Variants in PXDNL observed in about 807,000 individuals in gnomAD.
PXDNL encodes the protein peroxidasin like, also known as probable oxidoreductase PXDNL.
A neutral mutation model predicts 150.8 loss-of-function variants in PXDNL; 145 were observed. The observed-to-expected ratio is 0.96, with a 90% CI of 0.84 to 1.10. The LOEUF is 1.10. Ranked by LOEUF, PXDNL falls within the 50% of genes least tolerant of loss-of-function variation. The probability of loss-of-function intolerance (pLI) is 0.00; values close to 1 mark genes in which losing one functional copy is unlikely to be tolerated. For missense variants in PXDNL, 2,087 were observed against 1,873.9 expected (o/e 1.11, Z -2.10); for synonymous variants, 757 against 725.7 (o/e 1.04, Z -0.69).
intron 2 of PXDNL, among the ~76,000 whole-genome samples, chr8:51,643,107 G>C (rs1469773362): frequency 6.6e-6 from 1 of 152,068 alleles, no homozygotes; most frequent in Non-Finnish European, 1.5e-5. Context: ...TGTGAAAATG[G>C]CCATACTGCC....
At chr8:51,751,748 C>A (rs973025453) in intron 1 of PXDNL, among the ~76,000 whole-genome samples, 1 of 152,172 alleles carries the variant, frequency 6.6e-6, no homozygotes, top group Non-Finnish European at 1.5e-5. Flanking sequence ...CTGACTTCCT[C>A]ATAATTCTAC....
intron 12 of PXDNL, among the ~76,000 whole-genome samples, chr8:51,442,772 T>C (rs1293998260): frequency 6.6e-6 from 1 of 152,180 alleles, no homozygotes; most frequent in African/African-American, 2.4e-5. Flanking sequence ...ATTACATTTA[T>C]TTATTTTCAT....
rs769288055 is a variant in PXDNL, at chr8:51,372,116, G to A, written c.3693-35C>T. 6.7e-6 allele frequency: 10 copies of A among 1,502,470 alleles called. No individual in the cohort carries two copies. The Admixed American group carries it at 7.9e-5, about 12-fold the overall frequency. The allele number at this position is 1,502,470 out of a possible 1,614,324, so 93.1% of individuals were successfully genotyped here. Reference sequence around the variant, plus strand: ...AACCAAAAAAAAAACATTGTCGTGGGTCTGTGGCCTGAGAACTCAGCTGCA... The same window carrying A: ...AACCAAAAAAAAAACATTGTCGTGGATCTGTGGCCTGAGAACTCAGCTGCA... On this transcript the variant is annotated intron_variant, in intron 18 of 22. Transcript: ENST00000356297.
At chr8:51,752,310 T>C (rs2037053459) in intron 1 of PXDNL, among the ~76,000 whole-genome samples, 1 of 152,156 alleles carries the variant, frequency 6.6e-6, no homozygotes, top group Non-Finnish European at 1.5e-5. Context: ...GGGGAGTTTC[T>C]TCAGACCCCC....
chr8:51,406,682 C>G (rs1808443725), intron 17 of PXDNL, among the ~76,000 whole-genome samples: 1 of 152,212 alleles, frequency 6.6e-6, no homozygotes, highest in Non-Finnish European at 1.5e-5. Flanking sequence ...CATCTCTTAT[C>G]AGTGGCTTGC....
chr8:51,808,879 T>C (rs905692604), intron 1 of PXDNL, among the ~76,000 whole-genome samples: 1 of 152,104 alleles, frequency 6.6e-6, no homozygotes. Context: ...AGGAATAAAT[T>C]GAGAAAGTAT....
At chr8:51,757,922 T>A (rs2037119738) in intron 1 of PXDNL, among the ~76,000 whole-genome samples, 1 of 152,186 alleles carries the variant, frequency 6.6e-6, no homozygotes, top group East Asian at 1.9e-4. Context: ...ATTTAAAAAA[T>A]GTAATTGTAT....
intron 17 of PXDNL, among the ~76,000 whole-genome samples, chr8:51,402,134 G>GTTAA (rs1428918793): frequency 6.6e-6 from 1 of 152,178 alleles, no homozygotes; most frequent in Non-Finnish European, 1.5e-5. Flanking sequence ...AGAATTTTTT[G>GTTAA]TTAATTTGTC....
chr8:51,479,211 A>G (rs1390948744), intron 6 of PXDNL, among the ~76,000 whole-genome samples: 1 of 152,238 alleles, frequency 6.6e-6, no homozygotes, highest in Non-Finnish European at 1.5e-5. Flanking sequence ...AGACTAAGGA[A>G]TTTGGCACTT....
At chr8:51,494,461 T>G (rs992007621) in intron 5 of PXDNL, among the ~76,000 whole-genome samples, 2 of 151,862 alleles carry the variant, frequency 1.3e-5, no homozygotes, top group Non-Finnish European at 2.9e-5. Flanking sequence ...GGCTAAATGC[T>G]CCAATTAAAA....
chr8:51,681,910 CAAAT>C (rs141612403), intron 1 of PXDNL, among the ~76,000 whole-genome samples: 245 of 152,140 alleles, frequency 1.6e-3, no homozygotes, highest in African/African-American at 5.6e-3. Context: ...ATCTATCATA[CAAAT>C]GACAGCAGAT....
intron 4 of PXDNL, among the ~76,000 whole-genome samples, chr8:51,527,122 T>C (rs1353693009): frequency 1.3e-5 from 2 of 152,222 alleles, no homozygotes; most frequent in Non-Finnish European, 2.9e-5. Context: ...GCATGCAGCC[T>C]ATTTCTTGAA....
In PXDNL at chr8:51,683,667, G is replaced by GT. The variant is rs11421988; in HGVS notation, c.165-28908dup. ...ACCAAAGAAGCTCCCCTAAGAGGTG[G>GT]TTTTTTCTTGTCTTCTCCTCTAAGC... is the stretch of plus-strand genomic sequence containing the variant. On this transcript the variant is annotated intron_variant, in intron 1 of 22. Transcript: ENST00000356297. 5.0e-3 allele frequency among the ~76,000 whole-genome samples: 761 copies of GT among 152,166 alleles called. 4 individuals carry two copies. The highest frequency in any genetic ancestry group is 0.017 in the African/African-American group (714 of 41,514).
chr8:51,745,832 C>A (rs116437199), intron 1 of PXDNL, among the ~76,000 whole-genome samples: 30 of 150,720 alleles, frequency 2.0e-4, no homozygotes, highest in Non-Finnish European at 1.6e-4. Flanking sequence ...TGCAGTGGTG[C>A]GACCTCAGCT....
intron 8 of PXDNL, among the ~76,000 whole-genome samples, chr8:51,459,045 C>T (rs1051136911): frequency 1.3e-5 from 2 of 152,146 alleles, no homozygotes; most frequent in African/African-American, 4.8e-5. Flanking sequence ...CAATGCAAGA[C>T]AAAGGCAAGA....
chr8:51,353,241 C>T (rs2915467), intron 19 of PXDNL, among the ~76,000 whole-genome samples: 110,216 of 150,098 alleles, frequency 0.73, 40,913 homozygotes, highest in East Asian at 0.94. Context: ...CTTCTCCTTC[C>T]TTTATTTTTT....
At chr8:51,808,902 T>C (rs192244508) in intron 1 of PXDNL, among the ~76,000 whole-genome samples, 22 of 152,308 alleles carry the variant, frequency 1.4e-4, no homozygotes, top group Non-Finnish European at 2.4e-4. Context: ...AGGAAAATTA[T>C]TGAAGGAAGA....
At chr8:51,552,641 C>T (rs1812517626) in intron 4 of PXDNL, among the ~76,000 whole-genome samples, 1 of 152,014 alleles carries the variant, frequency 6.6e-6, no homozygotes, top group African/African-American at 2.4e-5. Context: ...GATGCAAAGG[C>T]ATTAGAATTA....
chr8:51,370,688 C>T (rs922062846), intron 19 of PXDNL, among the ~76,000 whole-genome samples: 20 of 152,198 alleles, frequency 1.3e-4, no homozygotes, highest in African/African-American at 4.6e-4. Context: ...CCTCCGCCTC[C>T]AGGGTTCAAG....
Sources: allele counts gnomAD v4.1 joint callset (sites outside exome capture counted in the v4.1 genomes callset), GRCh38; gene constraint gnomAD v4.1.1; transcripts MANE v1.5; gene names NCBI Gene and HGNC (gene_info 2026-07-23, HGNC 2026-07-21).